PADI6: variants seen among roughly 807,000 people sequenced by gnomAD.
The protein encoded by PADI6 is inactive protein-arginine deiminase type-6.
In PADI6, 66 loss-of-function variants were observed where a neutral mutation model predicts 78.2. That is an observed-to-expected ratio of 0.84 (90% CI 0.69 to 1.04). PADI6 has a LOEUF of 1.04. Among genes scored for constraint, PADI6 ranks in the 50% least tolerant of loss-of-function variants. PADI6 has a pLI of 0.00. For missense variants in PADI6, 854 were observed against 866.1 expected, an observed-to-expected ratio of 0.99 and a Z score of 0.18; for synonymous variants, 397 against 346.9, an observed-to-expected ratio of 1.14 and a Z score of -1.60.
At chr1:17,387,801 C>G (rs961685048) in intron 6 of PADI6, among the ~76,000 whole-genome samples, 2 of 152,162 alleles carry the variant, frequency 1.3e-5, no homozygotes, top group African/African-American at 4.8e-5. Flanking sequence ...CACGTGTGGT[C>G]AACTTCCTTC....
intron 11 of PADI6, 142 bp from the exon 12 acceptor site, chr1:17,394,809 T>C: frequency 9.7e-7 from 1 of 1,031,594 alleles, no homozygotes; most frequent in Non-Finnish European, 1.4e-6. Flanking sequence ...AAGGGATTCG[T>C]AACCAACACA....
chr1:17,399,521 G>A (rs903741645), intron 15 of PADI6, among the ~76,000 whole-genome samples: 4 of 151,978 alleles, frequency 2.6e-5, no homozygotes, highest in African/African-American at 7.3e-5. Flanking sequence ...CTTGAACCCC[G>A]GAGACAGAGG....
chr1:17,399,738 G>GA (rs201790253), intron 15 of PADI6, among the ~76,000 whole-genome samples: 5,963 of 122,768 alleles, frequency 0.049, 136 homozygotes, highest in Non-Finnish European at 0.058. Context: ...TTAAAAAAAA[G>GA]AAAAAAAAAA....
intron 6 of PADI6, 37 bp downstream of exon 6, chr1:17,382,129 C>G (rs373085990): frequency 3.7e-6 from 6 of 1,607,078 alleles, no homozygotes; most frequent in East Asian, 4.5e-5. Context: ...TTTGCCTGCT[C>G]TCGACGTGCC....
At chr1:17,376,886 C>T (rs201417698) in intron 3 of PADI6, among the ~76,000 whole-genome samples, 4 of 115,816 alleles carry the variant, frequency 3.5e-5, no homozygotes, top group South Asian at 3.0e-4. Context: ...TTTGTTTTGT[C>T]TTGTTTTTTG....
At chr1:17,374,821 T>A (rs2100285005) in intron 2 of PADI6, among the ~76,000 whole-genome samples, 1 of 152,250 alleles carries the variant, frequency 6.6e-6, no homozygotes, top group East Asian at 1.9e-4. Flanking sequence ...GGCCAATGGT[T>A]GGGTCTCTGG....
chr1:17,380,442 A>T (rs1471215225), intron 4 of PADI6, among the ~76,000 whole-genome samples: 5 of 152,132 alleles, frequency 3.3e-5, no homozygotes, highest in Admixed American at 3.3e-4. Flanking sequence ...ATCTCAGCTC[A>T]CTGCAAGCTC....
chr1:17,373,018 T>A (rs1337750322), intron 1 of PADI6, 38 bp from the exon 2 acceptor site: 5 of 1,533,634 alleles, frequency 3.3e-6, no homozygotes, highest in Non-Finnish European at 4.4e-6. Context: ...TGAGAAGGTG[T>A]TTGTGCCCTG....
chr1:17,385,615 G>A (rs1422972197), intron 6 of PADI6, among the ~76,000 whole-genome samples: 1 of 152,142 alleles, frequency 6.6e-6, no homozygotes. Flanking sequence ...ATTGAAATAA[G>A]GTCGTCGAAG....
chr1:17,388,096 C>T (rs935336024), intron 6 of PADI6, among the ~76,000 whole-genome samples: 4 of 152,200 alleles, frequency 2.6e-5, no homozygotes, highest in Non-Finnish European at 5.9e-5. Flanking sequence ...GGCTTCACAC[C>T]AGTCAGGAGC....
In PADI6 at chr1:17,398,823, T is replaced by G; in HGVS notation, c.1827T>G (p.Phe609Leu). 1 of 1,613,222 alleles carries G rather than the reference T, an allele frequency of 6.2e-7. No individual in the cohort carries two copies. ...CTGACCAGCAGCCCAAGAGGTCCTT[T>G]GCGAGGCCATACTTCCCTGACCTGG... Reference protein sequence around the residue: ...IPSDQQPKRSFARPYFPDLLR... With the variant: ...IPSDQQPKRSLARPYFPDLLR... Residue 609 changes from phenylalanine (F) to leucine (L), a missense_variant, in exon 15 of 16, where the codon TTT (phenylalanine) becomes TTG (leucine). Coordinates refer to ENST00000619609, the MANE Select transcript of PADI6 (RefSeq NM_207421.4).
At chr1:17,398,529 G>T (rs890139370) in intron 14 of PADI6, among the ~76,000 whole-genome samples, 157 bp from the exon 15 acceptor site, 2 of 152,138 alleles carry the variant, frequency 1.3e-5, no homozygotes, top group Non-Finnish European at 2.9e-5. Flanking sequence ...TCGTAAGGCT[G>T]GTATGAAGTG....
intron 9 of PADI6, among the ~76,000 whole-genome samples, chr1:17,393,574 T>G (rs115329246): frequency 0.018 from 2,726 of 152,228 alleles, 38 homozygotes; most frequent in Non-Finnish European, 0.029. Context: ...CGATCTCAGC[T>G]CCACTGCAGC....
chr1:17,400,868 A>G (rs1169373657), intron 15 of PADI6, among the ~76,000 whole-genome samples: 1 of 152,216 alleles, frequency 6.6e-6, no homozygotes, highest in Non-Finnish European at 1.5e-5. Flanking sequence ...GTTGAGATAC[A>G]AAAGATGCGC....
At chr1:17,378,180 C>T (rs1004560694) in intron 3 of PADI6, among the ~76,000 whole-genome samples, 3 of 152,268 alleles carry the variant, frequency 2.0e-5, no homozygotes, top group African/African-American at 7.2e-5. Flanking sequence ...AACTGAAATA[C>T]CCTCGCTCCA....
At chr1:17,393,920 T>C (rs1253908268) in intron 9 of PADI6, 55 bp from the exon 10 acceptor site, 1 of 1,512,702 alleles carries the variant, frequency 6.6e-7, no homozygotes, top group African/African-American at 1.4e-5. Flanking sequence ...TTTCCGTAAA[T>C]GGGGTCCGGG....
chr1:17,392,189 C>G lies in PADI6; in HGVS notation c.1038C>G (p.Val346=). 1.3e-6 allele frequency: 2 copies of G among 1,559,730 alleles called. No homozygotes were observed. The highest frequency in any genetic ancestry group is 8.7e-7 in the Non-Finnish European group (1 of 1,151,664). The part of the protein sequence containing the change: ...SEKSNSQVAS[V]YEDPNRLGRW... ...AGAGCAACAGCCAGGTGGCATCTGT[C>G]TATGAGGACCCCAACCGCCTGGGCA... The change falls in exon 9 of 16, where the codon GTC becomes GTG. Residue 346 remains valine, a synonymous_variant. Coordinates refer to ENST00000619609, the MANE Select transcript of PADI6 (RefSeq NM_207421.4).
intron 9 of PADI6, 45 bp from the exon 10 acceptor site, chr1:17,393,930 G>A: frequency 6.4e-7 from 1 of 1,552,154 alleles, no homozygotes; most frequent in South Asian, 1.1e-5. Flanking sequence ...TGGGGTCCGG[G>A]GAGATGTGTG....
chr1:17,372,507 G>T (rs2074972205), intron 1 of PADI6, 146 bp downstream of exon 1: 3 of 749,440 alleles, frequency 4.0e-6, no homozygotes, highest in Non-Finnish European at 6.7e-6. Flanking sequence ...TCTAGTGGGG[G>T]GCCTCCCAGT....
Sources: allele counts gnomAD v4.1 joint callset (sites outside exome capture counted in the v4.1 genomes callset), GRCh38; gene constraint gnomAD v4.1.1; transcripts MANE v1.5; gene names NCBI Gene and HGNC (gene_info 2026-07-23, HGNC 2026-07-21).